Variants in DDX1 observed in about 807,000 individuals in gnomAD.
DDX1 encodes the protein DEAD-box helicase 1.
In DDX1, 28 loss-of-function variants were observed where a neutral mutation model predicts 108.7. The ratio of observed to expected loss-of-function variants is 0.26; its 90% CI spans 0.19 to 0.35. The LOEUF (loss-of-function observed/expected upper bound fraction) is 0.35. Among genes scored for constraint, DDX1 ranks in the 10% least tolerant of loss-of-function variants. DDX1 has a pLI of 1.00. For synonymous variants in DDX1, 295 were observed against 288.9 expected, an observed-to-expected ratio of 1.02 and a Z score of -0.21; for missense variants, 710 against 884.5, an observed-to-expected ratio of 0.80 and a Z score of 2.50.
At chr2:15,623,370 T>TA (rs1352381796) in intron 18 of DDX1, 66 bp from the exon 19 acceptor site, 1 of 1,500,688 alleles carries the variant, frequency 6.7e-7, no homozygotes. Context: ...TGACTATAAT[T>TA]ATGTGTATTC....
At chr2:15,606,061 G>A (rs759025094) in intron 11 of DDX1, 35 bp downstream of exon 11, 2 of 1,556,226 alleles carry the variant, frequency 1.3e-6, no homozygotes, top group Admixed American at 3.7e-5. Context: ...AATTTGCTGT[G>A]GTTGTAAGCT....
intron 19 of DDX1, among the ~76,000 whole-genome samples, 195 bp downstream of exon 19, chr2:15,623,777 A>G (rs1666048861): frequency 6.6e-6 from 1 of 152,208 alleles, no homozygotes; most frequent in South Asian, 2.1e-4. Context: ...CCACGTAGGT[A>G]CATTTTCATT....
At chr2:15,611,814 G>A (rs1401929959) in intron 13 of DDX1, among the ~76,000 whole-genome samples, 6 of 100,530 alleles carry the variant, frequency 6.0e-5, no homozygotes, top group Non-Finnish European at 8.0e-5. Flanking sequence ...CCTCCCGGAC[G>A]GGGCGGCTGG....
intron 14 of DDX1, among the ~76,000 whole-genome samples, chr2:15,616,475 G>A (rs1665895334): frequency 6.6e-6 from 1 of 152,208 alleles, no homozygotes; most frequent in Non-Finnish European, 1.5e-5. Flanking sequence ...TACAAGATAT[G>A]TGTGGGAGAA....
chr2:15,627,719 G>A (rs967232069), intron 20 of DDX1, among the ~76,000 whole-genome samples: 1 of 152,132 alleles, frequency 6.6e-6, no homozygotes, highest in Admixed American at 6.5e-5. Flanking sequence ...AGGCCCCAGT[G>A]TATAGCATAA....
At chr2:15,611,413 C>G (rs552683643) in intron 13 of DDX1, among the ~76,000 whole-genome samples, 55 of 149,230 alleles carry the variant, frequency 3.7e-4, no homozygotes, top group Non-Finnish European at 6.7e-4. Context: ...ACCTCCCAGA[C>G]GGGGTGGTGG....
chr2:15,622,961 G>GT (rs1488508291), intron 18 of DDX1, among the ~76,000 whole-genome samples: 1 of 152,132 alleles, frequency 6.6e-6, no homozygotes, highest in Admixed American at 6.5e-5. Context: ...TTTTTACTGC[G>GT]TAGAGTGAAG....
intron 1 of DDX1, among the ~76,000 whole-genome samples, chr2:15,594,716 A>G (rs1488335608): frequency 2.6e-5 from 4 of 152,222 alleles, no homozygotes; most frequent in African/African-American, 9.7e-5. Context: ...GCCAAGGCAC[A>G]TAACTGCCAC....
At chr2:15,592,114 G>C (rs73915402) in intron 1 of DDX1, among the ~76,000 whole-genome samples, 165 bp downstream of exon 1, 39,348 of 152,232 alleles carry the variant, frequency 0.26, 6,617 homozygotes, top group African/African-American at 0.48. Flanking sequence ...GATCAGGGGC[G>C]GCCGCGGCTC....
At position 15,630,989 on chromosome 2, in the gene DDX1, C is replaced by T; in HGVS notation, c.*83C>T. On this transcript the variant is annotated 3_prime_UTR_variant, in exon 26 of 26. Transcript: ENST00000233084. Reference sequence around the variant, plus strand: ...AAACAGTTGTACTGCTTCCAAGCAGCAGTATTTATAGTAACGTAAGCTATT... The same window carrying T: ...AAACAGTTGTACTGCTTCCAAGCAGTAGTATTTATAGTAACGTAAGCTATT... 2.2e-6 allele frequency: 3 copies of T among 1,375,438 alleles called. No homozygotes were observed. Among genetic ancestry groups the T allele is most frequent in the African/African-American group, 1.4e-5 (1 of 69,912 alleles). The allele number at this position is 1,375,438 out of a possible 1,614,324, so 85.2% of individuals were successfully genotyped here.
chr2:15,606,341 A>G, intron 12 of DDX1, 77 bp downstream of exon 12: 1 of 993,764 alleles, frequency 1.0e-6, no homozygotes, highest in Non-Finnish European at 1.5e-6. Context: ...AAGGCGTCTC[A>G]TAGTGAGTTA....
intron 13 of DDX1, 125 bp downstream of exon 13, chr2:15,607,438 T>G: frequency 1.4e-6 from 1 of 710,644 alleles, no homozygotes; most frequent in Middle Eastern, 3.9e-4. Context: ...TGTGTGAGTA[T>G]GTAAATATAC....
intron 23 of DDX1, 144 bp from the exon 24 acceptor site, chr2:15,629,458 G>A: frequency 1.7e-6 from 1 of 597,272 alleles, no homozygotes; most frequent in South Asian, 2.4e-5. Flanking sequence ...CTGAATAGTA[G>A]TGGTAATTGG....
At chr2:15,615,231 G>A (rs1052764629) in intron 14 of DDX1, among the ~76,000 whole-genome samples, 8 of 152,142 alleles carry the variant, frequency 5.3e-5, no homozygotes, top group East Asian at 1.9e-4. Flanking sequence ...TTAGTCTTAC[G>A]GTATTATGCA....
At chr2:15,626,969 T>C (rs1254039125) in intron 19 of DDX1, 85 bp from the exon 20 acceptor site, 12 of 778,528 alleles carry the variant, frequency 1.5e-5, no homozygotes, top group Non-Finnish European at 2.3e-5. Context: ...TGTGGCACTA[T>C]TGTAGTCTGA....
chr2:15,618,663 G>A (rs530586638), intron 16 of DDX1, among the ~76,000 whole-genome samples: 11 of 152,334 alleles, frequency 7.2e-5, no homozygotes, highest in Middle Eastern at 3.4e-3. Context: ...GGGCTTCACC[G>A]GGGACTAGCC....
In DDX1 at chr2:15,603,898, A is replaced by C. The variant is rs770906033; in HGVS notation, c.552+8A>C. Reference sequence around the variant, plus strand: ...TTTGATAATTATGGAGAGGTAAGCGATTATGTTATGACTTCAACATAGCAT... The same window carrying C: ...TTTGATAATTATGGAGAGGTAAGCGCTTATGTTATGACTTCAACATAGCAT... On this transcript the variant is annotated splice_region_variant and intron_variant, in intron 9 of 25. Transcript: ENST00000233084. The C allele has an allele frequency of 6.3e-7, 1 of 1,592,936 alleles. No homozygotes were observed. Among genetic ancestry groups the C allele is most frequent in the Admixed American group, 1.7e-5 (1 of 59,258 alleles).
chr2:15,620,733 A>C (rs1665990491), intron 17 of DDX1, among the ~76,000 whole-genome samples: 1 of 152,142 alleles, frequency 6.6e-6, no homozygotes, highest in African/African-American at 2.4e-5. Flanking sequence ...ACTTTGTTCT[A>C]AAAATCAATT....
chr2:15,599,791 A>G, intron 6 of DDX1, 75 bp downstream of exon 6: 1 of 1,043,534 alleles, frequency 9.6e-7, no homozygotes, highest in Non-Finnish European at 1.5e-6. Context: ...AACACCAAGT[A>G]AATAAGATTA....
Sources: gnomAD v4.1 joint callset for allele counts (sites outside exome capture counted in the v4.1 genomes callset) on GRCh38, gnomAD v4.1.1 for gene constraint, MANE v1.5 for transcripts, NCBI Gene and HGNC (gene_info 2026-07-23, HGNC 2026-07-21) for gene names.